Variants in PCDH11X observed in about 807,000 individuals in gnomAD.
PCDH11X encodes the protein protocadherin 11 X-linked, also known as protocadherin-11 X-linked.
A neutral mutation model predicts 53.3 loss-of-function variants in PCDH11X; 18 were observed. That is an observed-to-expected ratio of 0.34 (90% CI 0.23 to 0.50). The LOEUF (loss-of-function observed/expected upper bound fraction) is 0.50. Ranked by LOEUF, PCDH11X falls within the 20% of genes least tolerant of loss-of-function variation. The pLI is 0.98. For synonymous variants in PCDH11X, 279 were observed against 393.3 expected (o/e 0.71, Z 3.44); for missense variants, 570 against 1,032.4 (o/e 0.55, Z 6.14).
At chrX:91,907,399 A>ACACACACC (rs1556332847) in intron 6 of PCDH11X, among the ~76,000 whole-genome samples, 5 of 62,874 alleles carry the variant, frequency 8.0e-5, no homozygotes, top group East Asian at 7.9e-4. Context: ...ACACACACAC[A>ACACACACC]CACACACACA....
intron 2 of PCDH11X, among the ~76,000 whole-genome samples, 189 bp downstream of exon 2, chrX:91,809,823 A>T (rs1296927201): frequency 9.1e-6 from 1 of 110,476 alleles, no homozygotes; most frequent in Non-Finnish European, 1.9e-5. Context: ...TTTTTGCTGG[A>T]GGAATGGATG....
chrX:91,975,338 G>C, intron 6 of PCDH11X, among the ~76,000 whole-genome samples: 1 of 112,264 alleles, frequency 8.9e-6, no homozygotes, highest in Non-Finnish European at 1.9e-5. Flanking sequence ...ACTATCAACT[G>C]TGATTGGTAA....
At chrX:92,154,207 C>T (rs138591479) in intron 6 of PCDH11X, among the ~76,000 whole-genome samples, 2,110 of 110,811 alleles carry the variant, frequency 0.019, 43 homozygotes, top group African/African-American at 0.064. Context: ...GATTTCATTC[C>T]GTTATTGATC....
intron 6 of PCDH11X, among the ~76,000 whole-genome samples, chrX:92,139,275 T>TTTTTC (rs1197120735): frequency 1.1e-5 from 1 of 93,681 alleles, no homozygotes; most frequent in African/African-American, 4.2e-5. Flanking sequence ...TCTTTCTTTT[T>TTTTTC]TTTTTTTTTT....
At chrX:92,101,587 A>G (rs1225037007) in intron 6 of PCDH11X, among the ~76,000 whole-genome samples, 1 of 111,430 alleles carries the variant, frequency 9.0e-6, no homozygotes, top group African/African-American at 3.3e-5. Flanking sequence ...ATCAGACTGT[A>G]TTGAGGTGGG....
chrX:92,143,192 A>G (rs749620401), intron 6 of PCDH11X, among the ~76,000 whole-genome samples: 1 of 111,655 alleles, frequency 9.0e-6, no homozygotes, highest in African/African-American at 3.3e-5. Context: ...AGGTGGGAGG[A>G]TCATTTAAGC....
At chrX:92,575,066 G>A (rs141624683) in intron 10 of PCDH11X, among the ~76,000 whole-genome samples, 3,502 of 110,404 alleles carry the variant, frequency 0.032, 154 homozygotes, top group African/African-American at 0.11. Flanking sequence ...CAAGTATGCC[G>A]TTTTTCATCA....
At chrX:91,874,612 A>T (rs1276977960) in intron 5 of PCDH11X, among the ~76,000 whole-genome samples, 1 of 98,385 alleles carries the variant, frequency 1.0e-5, no homozygotes, top group Non-Finnish European at 2.0e-5. Flanking sequence ...CTCCACAAAG[A>T]TATATTATGG....
chrX:92,087,796 C>A (rs947652161), intron 6 of PCDH11X, among the ~76,000 whole-genome samples: 4 of 109,513 alleles, frequency 3.7e-5, no homozygotes, highest in African/African-American at 1.3e-4. Flanking sequence ...TATATCATGT[C>A]GGATATCATT....
intron 8 of PCDH11X, among the ~76,000 whole-genome samples, chrX:92,264,298 C>T (rs185494257): frequency 9.9e-5 from 11 of 111,503 alleles, no homozygotes; most frequent in East Asian, 2.8e-4. Flanking sequence ...ATATATCTTT[C>T]GGAGTGCTTT....
At chrX:92,498,399 C>T (rs1320778737) in intron 10 of PCDH11X, among the ~76,000 whole-genome samples, 4 of 110,653 alleles carry the variant, frequency 3.6e-5, no homozygotes, top group African/African-American at 1.3e-4. Context: ...TAACAGACAC[C>T]TGTGGTTCAT....
chrX:92,473,728 G>T (rs1172974565), intron 10 of PCDH11X, among the ~76,000 whole-genome samples: 2 of 110,554 alleles, frequency 1.8e-5, no homozygotes, highest in Non-Finnish European at 3.8e-5. Context: ...GCAGCATATT[G>T]TTTAATTTCT....
At chrX:92,217,811 C>T (rs1377124572) in intron 7 of PCDH11X, among the ~76,000 whole-genome samples, 1 of 111,370 alleles carries the variant, frequency 9.0e-6, no homozygotes, top group Non-Finnish European at 1.9e-5. Flanking sequence ...AAGTAAAGGT[C>T]TCCTCAGCAA....
chrX:92,280,772 TAATC>T (rs2068233255), intron 8 of PCDH11X, among the ~76,000 whole-genome samples: 1 of 109,288 alleles, frequency 9.2e-6, no homozygotes, highest in African/African-American at 3.4e-5. Flanking sequence ...ATAATGTAAT[TAATC>T]AAATATATTT....
At chrX:92,350,566 C>G (rs12850274) in intron 8 of PCDH11X, among the ~76,000 whole-genome samples, 1 of 111,688 alleles carries the variant, frequency 9.0e-6, no homozygotes, top group Non-Finnish European at 1.9e-5. Flanking sequence ...ACCGTCTTCA[C>G]GTCTCTTAGC....
intron 4 of PCDH11X, among the ~76,000 whole-genome samples, chrX:91,832,718 A>T (rs946921726): frequency 1.8e-5 from 2 of 111,176 alleles, no homozygotes; most frequent in African/African-American, 6.5e-5. Flanking sequence ...TTGGAACTAG[A>T]TCGCTCTATT....
rs2148608214 is a variant in PCDH11X, at chrX:92,415,699, TTGTTG to T, written c.3343+27771_3343+27775del. ...ATTTTAAGAAAAGAAAAATAATAAT[TTGTTG>T]TGTTTATAACTACAACAAGAGATAT... On this transcript the variant is annotated intron_variant, in intron 9 of 10. Coordinates refer to ENST00000682573, the MANE Select transcript of PCDH11X (RefSeq NM_032968.5). 2.7e-5 allele frequency among the ~76,000 whole-genome samples: 3 copies of T among 111,297 alleles called. No individual in the cohort carries two copies. In the South Asian group the frequency reaches 1.1e-3, roughly 41 times the overall value.
chrX:92,147,799 T>TTTC (rs781648788), intron 6 of PCDH11X, among the ~76,000 whole-genome samples: 2 of 47,395 alleles, frequency 4.2e-5, no homozygotes, highest in East Asian at 9.6e-4. Flanking sequence ...TTTTCCTTTC[T>TTTC]TTTCTTCCTT....
rs772965937 is a variant in PCDH11X, at chrX:92,397,485, G to T, written c.3343+9552G>T. Reference sequence around the variant, plus strand: ...AGGAGTCAATTTTTTTTTTTTGGGTGGGGGGACGGAATCTCACTGTCACCC... The same window carrying T: ...AGGAGTCAATTTTTTTTTTTTGGGTTGGGGGACGGAATCTCACTGTCACCC... On this transcript the variant is annotated intron_variant, in intron 9 of 10. Coordinates refer to ENST00000682573, the MANE Select transcript of PCDH11X (RefSeq NM_032968.5). Among the ~76,000 whole-genome samples, 6 of 108,728 alleles carry T rather than the reference G, an allele frequency of 5.5e-5. No individual in the cohort carries two copies. In the East Asian group the frequency reaches 1.2e-3, roughly 21 times the overall value. 94.4% of individuals were successfully genotyped at this position (108,728 alleles called of 115,157 possible). A position where few individuals can be genotyped will look rare whatever the true frequency, so the allele number is the denominator to read the frequency against.
Sources: gnomAD v4.1 joint callset for allele counts (sites outside exome capture counted in the v4.1 genomes callset) on GRCh38, gnomAD v4.1.1 for gene constraint, MANE v1.5 for transcripts, NCBI Gene and HGNC (gene_info 2026-07-23, HGNC 2026-07-21) for gene names.